Variants in PIK3CD observed in about 807,000 individuals in gnomAD.
PIK3CD encodes phosphatidylinositol 4,5-bisphosphate 3-kinase catalytic subunit delta isoform.
A neutral mutation model predicts 122.9 loss-of-function variants in PIK3CD; 20 were observed. That is an observed-to-expected ratio of 0.16 (90% CI 0.11 to 0.24). The LOEUF (loss-of-function observed/expected upper bound fraction) is 0.24, where lower values mean the gene tolerates loss of function less well. Ranked by LOEUF, PIK3CD falls within the 10% of genes least tolerant of loss-of-function variation. The pLI is 1.00. For missense variants in PIK3CD, 787 were observed against 1,406.3 expected (o/e 0.56, Z 7.04); for synonymous variants, 596 against 593.4 (o/e 1.00, Z -0.06).
Position 9,715,825 on chromosome 1 carries a change from G to GTGCC in PIK3CD, c.371-24_371-23insTGCC. The GTGCC allele has an allele frequency of 1.3e-6, 2 of 1,586,082 alleles. No homozygotes were observed. Among genetic ancestry groups the GTGCC allele is most frequent in the South Asian group, 1.1e-5 (1 of 90,464 alleles). ...GCTGGCCCTGCCTGCCCCACCCGCTGACCCAGCCCTCCCCACCCCGCAGGC... is the reference window on the plus strand; with the variant it reads ...GCTGGCCCTGCCTGCCCCACCCGCTGTGCCACCCAGCCCTCCCCACCCCGCAGGC... On this transcript the variant is annotated intron_variant, in intron 4 of 23. Coordinates refer to ENST00000377346, the MANE Select transcript of PIK3CD (RefSeq NM_005026.5). The surrounding 1 kb of genome is among the most constrained non-coding windows in gnomAD (Gnocchi z 4.1).
intron 1 of PIK3CD, among the ~76,000 whole-genome samples, chr1:9,684,527 A>G (rs557056775): frequency 7.1e-5 from 10 of 140,724 alleles, no homozygotes; most frequent in African/African-American, 2.7e-4. Context: ...ACAGAGAGAG[A>G]CTCCGTCTCA....
At chr1:9,644,759 GA>G in the PIK3CD span, among the ~76,000 whole-genome samples, 1 of 152,026 alleles carries the variant, frequency 6.6e-6, no homozygotes, top group Non-Finnish European at 1.5e-5. Flanking sequence ...AATCCTAGAA[GA>G]AAAATGGCCC....
chr1:9,651,780 G>T lies in PIK3CD; in HGVS notation c.-160G>T, dbSNP rs1392765537. 1 of 151,908 alleles carries T rather than the reference G, an allele frequency of 6.6e-6. No homozygotes were observed. Among genetic ancestry groups the T allele is most frequent in the Non-Finnish European group, 1.5e-5 (1 of 67,944 alleles). 9.4% of individuals were successfully genotyped at this position (151,908 alleles called of 1,614,324 possible). On this transcript the variant is annotated 5_prime_UTR_variant, in exon 1 of 24. Coordinates refer to ENST00000377346, the MANE Select transcript of PIK3CD (RefSeq NM_005026.5). Reference sequence around the variant, plus strand: ...GAGCGGCCGCGAGCAGAGCCGCCCAGCCCTGCCAGCTGCGCCGGGACGGTA... The same window carrying T: ...GAGCGGCCGCGAGCAGAGCCGCCCATCCCTGCCAGCTGCGCCGGGACGGTA...
chr1:9,692,689 C>T (rs893641773), intron 2 of PIK3CD, among the ~76,000 whole-genome samples: 1 of 152,150 alleles, frequency 6.6e-6, no homozygotes, highest in Non-Finnish European at 1.5e-5. Context: ...GAGATCACAC[C>T]ACTGCACTCC....
chr1:9,687,574 A>G (rs1373085958), intron 1 of PIK3CD: 1 of 141,730 alleles, frequency 7.1e-6, no homozygotes, highest in East Asian at 2.5e-4. Context: ...GGAGGGAGAG[A>G]TGGGAGGGCG....
At chr1:9,640,697 C>T in the PIK3CD span, among the ~76,000 whole-genome samples, 31 of 152,160 alleles carry the variant, frequency 2.0e-4, no homozygotes, top group African/African-American at 6.7e-4. Context: ...AGGAAATGTA[C>T]GGGTGTCTAT....
Position 9,723,983 on chromosome 1 carries a change from G to A in PIK3CD, c.2609G>A (p.Arg870Gln), listed in dbSNP as rs752328071. Residue 870 changes from arginine to glutamine, a missense_variant, in exon 21 of 24, where the codon CGA becomes CAA. Transcript: ENST00000377346. The surrounding 1 kb of genome is among the most constrained non-coding windows in gnomAD (Gnocchi z 4.9). ...TCCCCACCCAGGGAGGCCCTGGATC[G>A]AGCCATTGAGGAGTTCACCCTCTCC... ...KSKNPGEALDRAIEEFTLSCA... is the reference protein window; with the variant it reads ...KSKNPGEALDQAIEEFTLSCA... 22 of 1,614,182 alleles carry A rather than the reference G, an allele frequency of 1.4e-5. 1 individual carries two copies. The highest frequency in any genetic ancestry group is 3.3e-5 in the South Asian group (3 of 91,080).
chr1:9,638,926 C>A, the PIK3CD span, among the ~76,000 whole-genome samples: 2 of 151,800 alleles, frequency 1.3e-5, no homozygotes, highest in African/African-American at 4.8e-5. Context: ...CAGGTGCCCA[C>A]CACCATGCCC....
chr1:9,637,866 G>T, the PIK3CD span, among the ~76,000 whole-genome samples: 3 of 152,104 alleles, frequency 2.0e-5, no homozygotes, highest in Admixed American at 6.6e-5. Context: ...CACTTTGGGA[G>T]GCCAAGGCAG....
At chr1:9,684,869 AAAAG>A (rs1416265020) in intron 1 of PIK3CD, among the ~76,000 whole-genome samples, 1 of 151,478 alleles carries the variant, frequency 6.6e-6, no homozygotes, top group African/African-American at 2.4e-5. Flanking sequence ...AAAGAAAGAA[AAAAG>A]AAAAAAGAAT....
At chr1:9,726,175 T>C (rs899215138) in intron 23 of PIK3CD, among the ~76,000 whole-genome samples, 1 of 151,836 alleles carries the variant, frequency 6.6e-6, no homozygotes, top group African/African-American at 2.4e-5. Context: ...ATCGCGCCAC[T>C]GCACTCCAGC....
Position 9,701,393 on chromosome 1 carries a change from C to T in PIK3CD, c.-32-9031C>T, listed in dbSNP as rs143202869. Among the ~76,000 whole-genome samples, 356 of 152,240 alleles carry T rather than the reference C, an allele frequency of 2.3e-3. 1 individual carries two copies. The highest frequency in any genetic ancestry group is 8.2e-3 in the African/African-American group (341 of 41,552). ...TGGAGACAAAACATAAAATCAAAGCCGGGCGCGGTGGCTCACGCCTGTAAT... is the reference window on the plus strand; with the variant it reads ...TGGAGACAAAACATAAAATCAAAGCTGGGCGCGGTGGCTCACGCCTGTAAT... On this transcript the variant is annotated intron_variant, in intron 2 of 23. Coordinates refer to ENST00000377346, the MANE Select transcript of PIK3CD (RefSeq NM_005026.5).
In PIK3CD at chr1:9,700,589, A is replaced by G. The variant is rs1035686945; in HGVS notation, c.-33+9018A>G. On this transcript the variant is annotated intron_variant, in intron 2 of 23. Coordinates refer to ENST00000377346, the MANE Select transcript of PIK3CD (RefSeq NM_005026.5). The surrounding 1 kb of genome is among the most constrained non-coding windows in gnomAD (Gnocchi z 5.1). ...TCACCGTCCATCACTGGGTGACGCG[A>G]CCCCAGCTCCCCGCTCTGTGTCTAG... Among the ~76,000 whole-genome samples the G allele has an allele frequency of 1.3e-5, 2 of 151,734 alleles. No individual in the cohort carries two copies. The highest frequency in any genetic ancestry group is 6.6e-5 in the Admixed American group (1 of 15,210).
chr1:9,726,841 G>A (rs1649726197), intron 23 of PIK3CD, 68 bp from the exon 24 acceptor site: 3 of 1,597,376 alleles, frequency 1.9e-6, no homozygotes, highest in Middle Eastern at 1.7e-4. Context: ...GAAGTCCCCA[G>A]AGAGGGACGC....
chr1:9,695,732 C>T (rs183662644), intron 2 of PIK3CD, among the ~76,000 whole-genome samples: 28 of 151,758 alleles, frequency 1.8e-4, no homozygotes, highest in Middle Eastern at 3.4e-3. Context: ...ATCCCAGCTA[C>T]TTGGGAGGCT....
At chr1:9,640,480 C>T in the PIK3CD span, among the ~76,000 whole-genome samples, 4 of 127,156 alleles carry the variant, frequency 3.1e-5, no homozygotes, top group African/African-American at 1.7e-4. Context: ...CTTGGGAGGC[C>T]GAGGCAGGAG....
chr1:9,701,378 A>G (rs936015662), intron 2 of PIK3CD, among the ~76,000 whole-genome samples: 1 of 152,124 alleles, frequency 6.6e-6, no homozygotes, highest in Non-Finnish European at 1.5e-5. Flanking sequence ...TGGAGACAAA[A>G]CATAAAATCA....
the PIK3CD span, among the ~76,000 whole-genome samples, chr1:9,632,071 G>A: frequency 1.3e-5 from 2 of 149,714 alleles, no homozygotes; most frequent in African/African-American, 4.9e-5. Context: ...AGAGTGCAAT[G>A]GTGCGATCTC....
intron 1 of PIK3CD, among the ~76,000 whole-genome samples, chr1:9,666,411 T>C (rs1645161847): frequency 6.6e-6 from 1 of 151,076 alleles, no homozygotes; most frequent in Non-Finnish European, 1.5e-5. Context: ...TTTTTGTATT[T>C]TTGTAGAGAC....
Sources: gnomAD v4.1 joint callset for allele counts (sites outside exome capture counted in the v4.1 genomes callset) on GRCh38, gnomAD v4.1.1 for gene constraint, Gnocchi (gnomAD v3.1) non-coding constraint, MANE v1.5 for transcripts, NCBI Gene and HGNC (gene_info 2026-07-23, HGNC 2026-07-21) for gene names.